Variants in NQO2 observed in about 807,000 individuals in gnomAD.
NQO2 encodes N-ribosyldihydronicotinamide:quinone dehydrogenase 2.
A neutral mutation model predicts 22.0 loss-of-function variants in NQO2; 18 were observed. The observed-to-expected ratio is 0.82, with a 90% CI of 0.56 to 1.21. The LOEUF (loss-of-function observed/expected upper bound fraction) is 1.21, where lower values mean the gene tolerates loss of function less well. NQO2 is among the 50% of genes most tolerant of loss of function. NQO2 has a pLI of 0.00. For synonymous variants in NQO2, 106 were observed against 110.8 expected, an observed-to-expected ratio of 0.96 and a Z score of 0.28; for missense variants, 267 against 286.9, an observed-to-expected ratio of 0.93 and a Z score of 0.50.
chr6:3,018,326 C>T (rs551761071), intron 6 of NQO2, among the ~76,000 whole-genome samples: 2 of 152,062 alleles, frequency 1.3e-5, no homozygotes, highest in African/African-American at 2.4e-5. Context: ...GCCAACATGG[C>T]GAAACCCCAT....
chr6:3,014,803 G>T (rs974010194), intron 4 of NQO2, among the ~76,000 whole-genome samples: 1 of 151,770 alleles, frequency 6.6e-6, no homozygotes, highest in Non-Finnish European at 1.5e-5. Flanking sequence ...GATGCTGTGA[G>T]CTGTGAACTA....
At chr6:3,004,146 C>T (rs2756073) in intron 1 of NQO2, 44 of 199,098 alleles carry the variant, frequency 2.2e-4, no homozygotes, top group African/African-American at 7.3e-4. Context: ...GAGGGTATTT[C>T]TTGGAAGCCC....
At chr6:3,013,265 T>C (rs938531183) in intron 4 of NQO2, among the ~76,000 whole-genome samples, 15 of 152,166 alleles carry the variant, frequency 9.9e-5, no homozygotes, top group Non-Finnish European at 1.5e-4. Context: ...GATGTAACAC[T>C]ACTTTAAACA....
At chr6:3,000,851 T>C (rs1486074004) in intron 1 of NQO2, among the ~76,000 whole-genome samples, 2 of 143,268 alleles carry the variant, frequency 1.4e-5, no homozygotes, top group East Asian at 4.1e-4. Context: ...TTTTCTTTTT[T>C]CTTTTTTTTT....
intron 2 of NQO2, chr6:3,007,076 C>T: frequency 5.1e-6 from 2 of 390,714 alleles, no homozygotes; most frequent in Non-Finnish European, 9.0e-6. Flanking sequence ...CACAGGTTCA[C>T]CTTACTCTAT....
chr6:3,005,788 T>A (rs1756931604), intron 1 of NQO2: 1 of 985,262 alleles, frequency 1.0e-6, no homozygotes, highest in Non-Finnish European at 1.2e-6. Context: ...ATAGCAACTG[T>A]CTCTCTCTCA....
chr6:3,003,854 G>C (rs1177061929), intron 1 of NQO2: 1 of 450,180 alleles, frequency 2.2e-6, no homozygotes, highest in Non-Finnish European at 2.9e-6. Flanking sequence ...CCTCGCTACA[G>C]ACTCAGTGCC....
chr6:3,015,418 C>A, intron 4 of NQO2, 112 bp from the exon 5 acceptor site: 2 of 1,483,060 alleles, frequency 1.3e-6, no homozygotes, highest in South Asian at 2.7e-5. Flanking sequence ...ACCTGCCCAG[C>A]TGCCAGGGAA....
chr6:2,999,946 G>A lies in NQO2; in HGVS notation c.-225G>A, dbSNP rs1772899786. 1 of 152,420 alleles carries A rather than the reference G, an allele frequency of 6.6e-6. No individual in the cohort carries two copies. The highest frequency in any genetic ancestry group is 6.5e-5 in the Admixed American group (1 of 15,294). The allele number at this position is 152,420 out of a possible 1,614,324, so 9.4% of individuals were successfully genotyped here. Reference sequence around the variant, plus strand: ...CCGGTCCGTGGTCCCCGGGGGCGCAGTCGCAGCGCTCCCGCCCTCCAGGCG... The same window carrying A: ...CCGGTCCGTGGTCCCCGGGGGCGCAATCGCAGCGCTCCCGCCCTCCAGGCG... On this transcript the variant is annotated 5_prime_UTR_variant, in exon 1 of 7. Transcript: ENST00000380455.
At position 3,010,114 on chromosome 6, in the gene NQO2, C is replaced by T; in HGVS notation, c.97C>T (p.Gln33Ter). Residue 33 changes from glutamine (Q) to a stop codon, truncating the protein, a stop_gained, in exon 3 of 7, where the codon CAG becomes TAG. Transcript: ENST00000380455. LOFTEE classifies it high-confidence loss of function. ...KNVAVDELSR[Q>*]GCTVTVSDLY... is the part of the protein sequence containing the mutation. ...TGTGGCTGTAGATGAACTGAGCAGG[C>T]AGGGCTGCACCGTCACAGTGTCTGA... 6.2e-7 allele frequency: 1 copy of T among 1,613,968 alleles called. No homozygotes were observed. The highest frequency in any genetic ancestry group is 8.5e-7 in the Non-Finnish European group (1 of 1,179,920).
chr6:3,003,370 C>T (rs1756806359), intron 1 of NQO2, among the ~76,000 whole-genome samples: 1 of 150,990 alleles, frequency 6.6e-6, no homozygotes, highest in Admixed American at 6.6e-5. Context: ...AATCACTGCC[C>T]TCCCAAGAAC....
intron 6 of NQO2, among the ~76,000 whole-genome samples, chr6:3,019,156 A>G (rs1250140155): frequency 1.3e-5 from 2 of 152,200 alleles, no homozygotes; most frequent in East Asian, 3.8e-4. Context: ...GGAATAATCT[A>G]TAGTGTGAAT....
chr6:3,019,469 G>C lies in NQO2; in HGVS notation c.520-10G>C, dbSNP rs1178070155. 1 of 1,606,142 alleles carries C rather than the reference G, an allele frequency of 6.2e-7. No homozygotes were observed. Among genetic ancestry groups the C allele is most frequent in the Non-Finnish European group, 8.5e-7 (1 of 1,175,416 alleles). Reference sequence around the variant, plus strand: ...TTCTAATGAGTTCTTTTCTTCCCCTGTGGCTTTAGCATGGCACATTACACT... The same window carrying C: ...TTCTAATGAGTTCTTTTCTTCCCCTCTGGCTTTAGCATGGCACATTACACT... On this transcript the variant is annotated splice_polypyrimidine_tract_variant and intron_variant, in intron 6 of 6. Coordinates refer to ENST00000380455, the MANE Select transcript of NQO2 (RefSeq NM_000904.6).
At chr6:3,010,817 C>T (rs533637399) in intron 3 of NQO2, among the ~76,000 whole-genome samples, 26 of 152,270 alleles carry the variant, frequency 1.7e-4, no homozygotes, top group African/African-American at 6.3e-4. Flanking sequence ...AGCCTTCCCA[C>T]ACTACCATGC....
Position 3,015,578 on chromosome 6 carries a change from G to T in NQO2, c.352G>T (p.Asp118Tyr). The T allele has an allele frequency of 6.2e-7, 1 of 1,614,218 alleles. No homozygotes were observed. The highest frequency in any genetic ancestry group is 8.5e-7 in the Non-Finnish European group (1 of 1,180,032). ...SVPAILKGWM[D>Y]RVLCQGFAFD... ...GCCAGCCATCCTGAAGGGCTGGATG[G>T]ATAGGGTGCTGTGCCAGGGCTTTGC... Residue 118 changes from aspartate (D) to tyrosine (Y), a missense_variant, in exon 5 of 7, where the codon GAT becomes TAT. Transcript: ENST00000380455.
At chr6:3,013,025 G>A (rs555724855) in intron 4 of NQO2, among the ~76,000 whole-genome samples, 4 of 132,922 alleles carry the variant, frequency 3.0e-5, no homozygotes, top group Admixed American at 9.0e-5. Context: ...GCGGGATCTC[G>A]GCTCACTGCA....
intron 4 of NQO2, chr6:3,015,268 C>T: frequency 2.8e-6 from 4 of 1,438,410 alleles, no homozygotes; most frequent in South Asian, 1.2e-5. Context: ...CCCCTCCCTG[C>T]CTGCCCAGGG....
In NQO2 at chr6:3,010,186, A is replaced by G; in HGVS notation, c.169A>G (p.Thr57Ala). The change falls in exon 3 of 7, where the codon ACT becomes GCT. Residue 57 changes from threonine to alanine, a missense_variant. Coordinates refer to ENST00000380455, the MANE Select transcript of NQO2 (RefSeq NM_000904.6). The part of the protein sequence containing the change: ...LEPRATDKDI[T>A]GTLSNPEVFN... ...GCCGAGGGCCACAGACAAAGATATC[A>G]CTGGTGAGTCATGGGATAAATGCTC... 1 of 1,607,140 alleles carries G rather than the reference A, an allele frequency of 6.2e-7. No homozygotes were observed. The highest frequency in any genetic ancestry group is 1.3e-5 in the African/African-American group (1 of 74,688).
chr6:3,005,653 A>G, intron 1 of NQO2: 1 of 985,214 alleles, frequency 1.0e-6, no homozygotes, highest in Non-Finnish European at 1.2e-6. Flanking sequence ...GGTTTGTTGG[A>G]GTCTCCTTGT....
Sources: allele counts gnomAD v4.1 joint callset (sites outside exome capture counted in the v4.1 genomes callset), GRCh38; gene constraint gnomAD v4.1.1; transcripts MANE v1.5; gene names NCBI Gene and HGNC (gene_info 2026-07-23, HGNC 2026-07-21).